Variants in PRKCA observed in about 807,000 individuals in gnomAD.
The protein encoded by PRKCA is protein kinase C alpha type.
PRKCA carries 27 observed loss-of-function variants against 87.0 expected under a neutral mutation model. The ratio of observed to expected loss-of-function variants is 0.31; its 90% CI spans 0.23 to 0.43. The LOEUF (loss-of-function observed/expected upper bound fraction) is 0.43. PRKCA is among the 20% of genes least tolerant of loss of function. The probability of loss-of-function intolerance (pLI) is 1.00; values close to 1 mark genes in which losing one functional copy is unlikely to be tolerated. For synonymous variants in PRKCA, 329 were observed against 311.1 expected (o/e 1.06, Z -0.61); for missense variants, 518 against 852.3 (o/e 0.61, Z 4.88).
intron 2 of PRKCA, among the ~76,000 whole-genome samples, chr17:66,318,528 G>C (rs541461269): frequency 5.3e-5 from 8 of 152,044 alleles, no homozygotes; most frequent in Non-Finnish European, 8.8e-5. Context: ...CTGAGTTGTC[G>C]GGCTGGAGCG....
chr17:66,429,763 C>T (rs780421839), intron 2 of PRKCA, among the ~76,000 whole-genome samples: 7 of 152,126 alleles, frequency 4.6e-5, no homozygotes, highest in East Asian at 1.9e-4. Flanking sequence ...AAGGTAGAGT[C>T]CATCTTCATG....
chr17:66,494,554 C>T (rs988568724), intron 2 of PRKCA, among the ~76,000 whole-genome samples: 1 of 152,224 alleles, frequency 6.6e-6, no homozygotes, highest in Admixed American at 6.5e-5. Context: ...AGGGTCCCAT[C>T]TCCCAAAACT....
At chr17:66,335,838 C>T (rs1000297335) in intron 2 of PRKCA, among the ~76,000 whole-genome samples, 3 of 152,056 alleles carry the variant, frequency 2.0e-5, no homozygotes, top group Non-Finnish European at 2.9e-5. Context: ...ATAATTACTT[C>T]AGGTAAATTC....
chr17:66,430,775 T>C (rs1913059119), intron 2 of PRKCA, among the ~76,000 whole-genome samples: 1 of 152,166 alleles, frequency 6.6e-6, no homozygotes. Context: ...GGAGACTTTC[T>C]GGGGCACTAG....
intron 3 of PRKCA, among the ~76,000 whole-genome samples, chr17:66,575,556 G>C (rs548936822): frequency 6.6e-6 from 1 of 152,252 alleles, no homozygotes; most frequent in South Asian, 2.1e-4. Context: ...CTCCAGCCTG[G>C]GTGACAAGAG....
chr17:66,435,760 G>T lies in PRKCA; in HGVS notation c.206-60441G>T, dbSNP rs562437043. On this transcript the variant is annotated intron_variant, in intron 2 of 16. Coordinates refer to ENST00000413366, the MANE Select transcript of PRKCA (RefSeq NM_002737.3). ...AAGCATGGAGGACTTTTTGGGGGAG[G>T]GGGGTGGTCTTAAGCTGTGTCTTAA... Among the ~76,000 whole-genome samples, 5 of 152,318 alleles carry T rather than the reference G, an allele frequency of 3.3e-5. No homozygotes were observed. In the South Asian group the frequency reaches 1.0e-3, roughly 32 times the overall value.
intron 8 of PRKCA, among the ~76,000 whole-genome samples, chr17:66,709,523 G>C (rs183201014): frequency 2.0e-4 from 30 of 151,770 alleles, no homozygotes; most frequent in African/African-American, 6.5e-4. Context: ...TGGCCAGGCT[G>C]GTCTTGAATT....
intron 16 of PRKCA, among the ~76,000 whole-genome samples, chr17:66,791,134 G>A (rs1285913909): frequency 1.3e-5 from 2 of 150,814 alleles, no homozygotes; most frequent in African/African-American, 2.4e-5. Context: ...ATCTCCTAAT[G>A]CTGTCCCTCC....
chr17:66,751,464 A>G (rs1279231720), intron 13 of PRKCA, among the ~76,000 whole-genome samples: 2 of 152,200 alleles, frequency 1.3e-5, no homozygotes, highest in Non-Finnish European at 2.9e-5. Context: ...TCCAAATCAT[A>G]TCTGTAGAGA....
chr17:66,765,452 A>ATATATATATC (rs1369750891), intron 13 of PRKCA, among the ~76,000 whole-genome samples: 7 of 125,034 alleles, frequency 5.6e-5, no homozygotes, highest in East Asian at 2.2e-4. Flanking sequence ...ATATATATAT[A>ATATATATATC]TATCCATATA....
intron 2 of PRKCA, among the ~76,000 whole-genome samples, chr17:66,480,428 G>T (rs968038181): frequency 6.6e-6 from 1 of 152,134 alleles, no homozygotes; most frequent in Non-Finnish European, 1.5e-5. Context: ...TAAGCAGAGG[G>T]AAATGTTACA....
intron 2 of PRKCA, among the ~76,000 whole-genome samples, chr17:66,459,111 G>A (rs897461944): frequency 6.6e-6 from 1 of 151,944 alleles, no homozygotes; most frequent in East Asian, 1.9e-4. Flanking sequence ...ACTGGCTTAC[G>A]CCTGTAATCC....
At chr17:66,697,451 A>G (rs1368551558) in intron 8 of PRKCA, among the ~76,000 whole-genome samples, 5 of 152,234 alleles carry the variant, frequency 3.3e-5, no homozygotes, top group Non-Finnish European at 5.9e-5. Flanking sequence ...TGAAGAGGGT[A>G]GGAAGAACTA....
Position 66,738,779 on chromosome 17 carries a change from G to A in PRKCA, c.1246G>A (p.Val416Ile), listed in dbSNP as rs541841621. ...TGGTCTGCAGGATCGGCTGTACTTC[G>A]TCATGGAATATGTCAACGGTGGGGA... ...CFQTVDRLYF[V>I]MEYVNGGDLM... The change falls in exon 11 of 17, where the codon GTC becomes ATC. Residue 416 changes from valine (V) to isoleucine (I), a missense_variant. Physicochemically the swap from Val to Ile is conservative, Grantham distance 29 (BLOSUM62 3). This residue lies in a region of PRKCA where 300 missense variants were observed against 496.8 expected (regional missense o/e 0.60). Coordinates refer to ENST00000413366, the MANE Select transcript of PRKCA (RefSeq NM_002737.3). 111 of 1,613,532 alleles carry A rather than the reference G, an allele frequency of 6.9e-5. No homozygotes were observed. Among genetic ancestry groups the A allele is most frequent in the Non-Finnish European group, 8.5e-5 (100 of 1,179,890 alleles).
intron 2 of PRKCA, among the ~76,000 whole-genome samples, chr17:66,359,073 A>T (rs1400569361): frequency 2.0e-5 from 3 of 152,156 alleles, no homozygotes; most frequent in African/African-American, 4.8e-5. Context: ...AGCTGAGGTC[A>T]TGTTAAAACC....
chr17:66,338,271 G>A (rs1424147877), intron 2 of PRKCA, among the ~76,000 whole-genome samples: 1 of 152,032 alleles, frequency 6.6e-6, no homozygotes, highest in Non-Finnish European at 1.5e-5. Context: ...GACCAAGCTT[G>A]TCACTACTCA....
intron 2 of PRKCA, among the ~76,000 whole-genome samples, chr17:66,436,349 T>C (rs1913393184): frequency 6.6e-6 from 1 of 152,148 alleles, no homozygotes; most frequent in Non-Finnish European, 1.5e-5. Flanking sequence ...TACCAGTCAT[T>C]AGCTTTTGCA....
chr17:66,469,653 A>G (rs1915239056), intron 2 of PRKCA, among the ~76,000 whole-genome samples: 1 of 152,228 alleles, frequency 6.6e-6, no homozygotes, highest in South Asian at 2.1e-4. Context: ...TCCCTAGCAC[A>G]TTGCCTAATT....
intron 2 of PRKCA, among the ~76,000 whole-genome samples, chr17:66,369,539 G>A (rs1164364793): frequency 1.3e-5 from 2 of 152,172 alleles, no homozygotes; most frequent in Admixed American, 6.5e-5. Flanking sequence ...GGATTAATAA[G>A]CTTGAAATTT....
Sources: gnomAD v4.1 joint callset for allele counts (sites outside exome capture counted in the v4.1 genomes callset) on GRCh38, gnomAD v4.1.1 for gene constraint, gnomAD v4.1.1 regional missense constraint, MANE v1.5 for transcripts, NCBI Gene and HGNC (gene_info 2026-07-23, HGNC 2026-07-21) for gene names.